The following ZNF618 variants were observed in gnomAD, a reference collection of about 807,000 sequenced individuals.
ZNF618 encodes zinc finger protein 618.
Under a neutral mutation model 103.0 loss-of-function variants are expected in ZNF618, and 34 were observed. The ratio of observed to expected loss-of-function variants is 0.33; its 90% CI spans 0.25 to 0.44. The LOEUF (loss-of-function observed/expected upper bound fraction) is 0.44. Ranked by LOEUF, ZNF618 falls within the 20% of genes least tolerant of loss-of-function variation. ZNF618 has a pLI of 1.00. For synonymous variants in ZNF618, 551 were observed against 542.2 expected (o/e 1.02, Z -0.23); for missense variants, 1,059 against 1,295.4 (o/e 0.82, Z 2.80).
chr9:113,878,192 A>AG (rs1828140853), intron 1 of ZNF618, among the ~76,000 whole-genome samples: 1 of 151,692 alleles, frequency 6.6e-6, no homozygotes, highest in African/African-American at 2.4e-5. Context: ...GACCAAAAAA[A>AG]AAAAATGCAC....
intron 1 of ZNF618, among the ~76,000 whole-genome samples, chr9:113,960,924 G>A (rs1290732978): frequency 1.3e-5 from 2 of 152,210 alleles, no homozygotes; most frequent in East Asian, 1.9e-4. Flanking sequence ...CATGTTGGGT[G>A]GGTTGGGCCC....
intron 1 of ZNF618, among the ~76,000 whole-genome samples, chr9:113,949,814 A>G (rs917966866): frequency 5.3e-5 from 8 of 152,226 alleles, no homozygotes; most frequent in Non-Finnish European, 1.2e-4. Context: ...TTCCTGATTA[A>G]TTAGGTCAGC....
rs1035699368 is a variant in ZNF618, at chr9:114,050,492, C to T, written c.*325C>T. 2.7e-5 allele frequency: 6 copies of T among 224,708 alleles called. No individual in the cohort carries two copies. Among genetic ancestry groups the T allele is most frequent in the African/African-American group, 1.1e-4 (5 of 43,804 alleles). The allele number at this position is 224,708 out of a possible 1,614,324, so 13.9% of individuals were successfully genotyped here. On this transcript the variant is annotated 3_prime_UTR_variant, in exon 15 of 15. Transcript: ENST00000374126. Reference sequence around the variant, plus strand: ...CACACACACGACCCTGGTGCGTGTACATACGCCTGTGCTTGGACGGGTGTG... The same window carrying T: ...CACACACACGACCCTGGTGCGTGTATATACGCCTGTGCTTGGACGGGTGTG...
At chr9:114,003,241 C>A (rs951458080) in intron 6 of ZNF618, among the ~76,000 whole-genome samples, 1 of 152,246 alleles carries the variant, frequency 6.6e-6, no homozygotes, top group Non-Finnish European at 1.5e-5. Flanking sequence ...TGCTCACAGG[C>A]CCTGCTTGCC....
chr9:113,882,752 G>A lies in ZNF618; in HGVS notation c.33+6339G>A, dbSNP rs550493876. On this transcript the variant is annotated intron_variant, in intron 1 of 14. Coordinates refer to ENST00000374126, the MANE Select transcript of ZNF618 (RefSeq NM_001318042.2). The stretch of plus-strand genomic sequence containing the variant: ...AAAGGGATACATCTCAATCGCGGGT[G>A]GACCTGTATGTCTTTGAGCTTCTGC... 2.4e-4 allele frequency among the ~76,000 whole-genome samples: 37 copies of A among 152,278 alleles called. 1 individual carries two copies. The highest frequency in any genetic ancestry group is 7.9e-4 in the African/African-American group (33 of 41,548).
chr9:113,930,103 T>C (rs1446197932), intron 1 of ZNF618, among the ~76,000 whole-genome samples: 1 of 152,206 alleles, frequency 6.6e-6, no homozygotes, highest in African/African-American at 2.4e-5. Context: ...CATTCCTCCT[T>C]GTTTGCAAAG....
chr9:114,026,613 C>T (rs1014765712), intron 10 of ZNF618, among the ~76,000 whole-genome samples: 6 of 152,228 alleles, frequency 3.9e-5, no homozygotes, highest in African/African-American at 1.4e-4. Flanking sequence ...CCTCCTTGCA[C>T]AGCCGGCAGA....
At chr9:113,958,621 T>C (rs1836538833) in intron 1 of ZNF618, among the ~76,000 whole-genome samples, 1 of 152,224 alleles carries the variant, frequency 6.6e-6, no homozygotes, top group African/African-American at 2.4e-5. Context: ...TGAGAGATCA[T>C]GATGCATCCA....
chr9:113,879,413 T>TTA (rs1554715441), intron 1 of ZNF618, among the ~76,000 whole-genome samples: 4,472 of 145,904 alleles, frequency 0.031, 323 homozygotes, highest in East Asian at 0.22. Flanking sequence ...TTTTTTTTTT[T>TTA]AAATTGGTTA....
At chr9:113,985,763 G>A (rs181615205) in intron 2 of ZNF618, among the ~76,000 whole-genome samples, 85 of 152,250 alleles carry the variant, frequency 5.6e-4, no homozygotes, top group African/African-American at 2.0e-3. Flanking sequence ...GTCCCACCTC[G>A]TACCACCCAC....
chr9:113,935,525 C>G (rs746443371), intron 1 of ZNF618, among the ~76,000 whole-genome samples: 1 of 152,108 alleles, frequency 6.6e-6, no homozygotes, highest in African/African-American at 2.4e-5. Context: ...GTCCTTGTTG[C>G]GGGTCGTGTC....
intron 1 of ZNF618, among the ~76,000 whole-genome samples, chr9:113,915,192 C>T (rs768931536): frequency 6.6e-6 from 1 of 152,194 alleles, no homozygotes; most frequent in Non-Finnish European, 1.5e-5. Flanking sequence ...CTGCTATGGT[C>T]GGCATCACTG....
At chr9:113,918,707 C>T (rs775424647) in intron 1 of ZNF618, among the ~76,000 whole-genome samples, 5 of 152,140 alleles carry the variant, frequency 3.3e-5, no homozygotes, top group East Asian at 1.9e-4. Context: ...AGCCCCTTCA[C>T]GCAAGCTCCT....
At chr9:113,885,220 A>G (rs1422618470) in intron 1 of ZNF618, among the ~76,000 whole-genome samples, 1 of 152,108 alleles carries the variant, frequency 6.6e-6, no homozygotes, top group Admixed American at 6.5e-5. Context: ...TGGGTTTGGG[A>G]CAGGTTTGCT....
intron 10 of ZNF618, among the ~76,000 whole-genome samples, chr9:114,026,843 G>A (rs1233921884): frequency 6.6e-6 from 1 of 152,146 alleles, no homozygotes; most frequent in Non-Finnish European, 1.5e-5. Flanking sequence ...TGTGGAGAGG[G>A]TCATCCCAGT....
In ZNF618 at chr9:113,998,234, C is replaced by T. The variant is rs1840816274; in HGVS notation, c.338-25C>T. The T allele has an allele frequency of 3.2e-6, 5 of 1,549,664 alleles. No individual in the cohort carries two copies. In the African/African-American group the frequency reaches 4.1e-5, roughly 13 times the overall value. On this transcript the variant is annotated intron_variant, in intron 3 of 14. Coordinates refer to ENST00000374126, the MANE Select transcript of ZNF618 (RefSeq NM_001318042.2). Reference sequence around the variant, plus strand: ...CAGGCATTCTCCAACTTTAAGGGCTCTTTCTGATTTCTTACGTAATTCAGA... The same window carrying T: ...CAGGCATTCTCCAACTTTAAGGGCTTTTTCTGATTTCTTACGTAATTCAGA...
chr9:113,958,164 C>T (rs758070246), intron 1 of ZNF618, among the ~76,000 whole-genome samples: 4 of 152,146 alleles, frequency 2.6e-5, no homozygotes, highest in Non-Finnish European at 2.9e-5. Context: ...GCAAGTCACT[C>T]TCTCCAAGGT....
At chr9:113,980,476 T>C (rs1838873312) in intron 2 of ZNF618, among the ~76,000 whole-genome samples, 1 of 152,120 alleles carries the variant, frequency 6.6e-6, no homozygotes, top group South Asian at 2.1e-4. Context: ...TCCCAGCTAC[T>C]TGGAAGGCTG....
intron 10 of ZNF618, among the ~76,000 whole-genome samples, chr9:114,021,666 A>G (rs906226440): frequency 4.3e-4 from 66 of 152,224 alleles, no homozygotes; most frequent in African/African-American, 1.4e-3. Context: ...TGAAACGGTC[A>G]CCACAATCTA....
Sources: gnomAD v4.1 joint callset for allele counts (sites outside exome capture counted in the v4.1 genomes callset) on GRCh38, gnomAD v4.1.1 for gene constraint, MANE v1.5 for transcripts, NCBI Gene and HGNC (gene_info 2026-07-23, HGNC 2026-07-21) for gene names.